CCDC92: variants seen among roughly 807,000 people sequenced by gnomAD.
CCDC92 encodes coiled-coil domain-containing protein 92.
In CCDC92, 12 loss-of-function variants were observed where a neutral mutation model predicts 24.9. The observed-to-expected ratio is 0.48, with a 90% confidence interval of 0.31 to 0.78. The LOEUF (loss-of-function observed/expected upper bound fraction) is 0.78, where lower values mean the gene tolerates loss of function less well. Ranked by LOEUF, CCDC92 falls within the 30% of genes least tolerant of loss-of-function variation. The pLI is 0.05. For synonymous variants in CCDC92, 193 were observed against 196.3 expected (o/e 0.98, Z 0.14); for missense variants, 399 against 439.4 (o/e 0.91, Z 0.82).
intron 1 of CCDC92, among the ~76,000 whole-genome samples, chr12:123,963,853 A>C (rs1594507385): frequency 6.6e-6 from 1 of 152,358 alleles, no homozygotes; most frequent in African/African-American, 2.4e-5. Flanking sequence ...AAAGGCTTTA[A>C]TATTTCTTCA....
At chr12:123,964,378 T>C (rs904960241) in intron 1 of CCDC92, among the ~76,000 whole-genome samples, 2 of 150,986 alleles carry the variant, frequency 1.3e-5, no homozygotes, top group Non-Finnish European at 2.9e-5. Context: ...TTTGTGAATT[T>C]GGGGGTATAA....
Position 123,935,861 on chromosome 12 carries a change from G to A in CCDC92, c.*1197C>T, listed in dbSNP as rs1245218064. On this transcript the variant is annotated 3_prime_UTR_variant, in exon 5 of 5. Transcript: ENST00000238156. ...TCGATGATCCAGGTCTGTTTCAGCA[G>A]ATGCTCCTTTTTGGCAAGAAGGGCT... The A allele has an allele frequency of 1.2e-5, 2 of 169,618 alleles. No homozygotes were observed. The highest frequency in any genetic ancestry group is 2.4e-5 in the African/African-American group (1 of 41,980). The allele number at this position is 169,618 out of a possible 1,614,324, so 10.5% of individuals were successfully genotyped here.
chr12:123,963,317 T>C (rs1320448110), intron 1 of CCDC92, among the ~76,000 whole-genome samples: 2 of 152,198 alleles, frequency 1.3e-5, no homozygotes, highest in Non-Finnish European at 2.9e-5. Flanking sequence ...ATGGCACTTT[T>C]GGGAGGGCAA....
intron 1 of CCDC92, chr12:123,962,843 G>A (rs1158904198): frequency 5.9e-5 from 9 of 151,868 alleles, no homozygotes; most frequent in East Asian, 1.9e-4. Flanking sequence ...GCTGATGCAA[G>A]ATATAGGTTT....
In CCDC92 at chr12:123,939,577, A is replaced by G. The variant is rs572157173; in HGVS notation, c.224-1747T>C. Among the ~76,000 whole-genome samples the G allele has an allele frequency of 9.8e-5, 15 of 152,336 alleles. No homozygotes were observed. The South Asian group carries it at 3.1e-3, about 32-fold the overall frequency. On this transcript the variant is annotated intron_variant, in intron 4 of 4. Coordinates refer to ENST00000238156, the MANE Select transcript of CCDC92 (RefSeq NM_025140.3). ...GTACTGAATGGGTATTGCCCCATGC[A>G]GTTGAAAAATTTTAAGTTGAACCAT...
At position 123,943,403 on chromosome 12, in the gene CCDC92, G is replaced by T; in HGVS notation, c.125C>A (p.Ala42Asp). The change falls in exon 3 of 5, where the codon GCC becomes GAC. Residue 42 changes from alanine (A) to aspartate (D), a missense_variant. Ala to Asp is a moderately radical substitution (Grantham distance 126, BLOSUM62 -2). Transcript: ENST00000238156. ...GGAGTGCAGCCCCTTGAGCGTGCTG[G>T]CATGCTCCCGCTGAAGGAACAGGAG... The part of the protein sequence containing the change: ...KNLLFLQREH[A>D]STLKGLHSEI... 2 of 1,614,084 alleles carry T rather than the reference G, an allele frequency of 1.2e-6. No individual in the cohort carries two copies. Among genetic ancestry groups the T allele is most frequent in the Non-Finnish European group, 1.7e-6 (2 of 1,180,030 alleles).
At chr12:123,955,685 T>C (rs2138087621) in intron 1 of CCDC92, among the ~76,000 whole-genome samples, 3 of 152,292 alleles carry the variant, frequency 2.0e-5, no homozygotes, top group African/African-American at 7.2e-5. Context: ...GGTTTCTCTA[T>C]GTTGCCCAGG....
intron 1 of CCDC92, chr12:123,966,422 G>C (rs1956394568): frequency 6.6e-6 from 1 of 152,222 alleles, no homozygotes; most frequent in South Asian, 2.1e-4. Flanking sequence ...GACATTCCAT[G>C]TGAGAGGAAG....
chr12:123,968,841 CGA>C (rs1188391495), intron 1 of CCDC92, among the ~76,000 whole-genome samples: 4 of 152,190 alleles, frequency 2.6e-5, no homozygotes, highest in Non-Finnish European at 4.4e-5. Flanking sequence ...TGCTAGAGAA[CGA>C]GAGAGTAACT....
At chr12:123,954,268 T>C (rs531039149) in intron 1 of CCDC92, among the ~76,000 whole-genome samples, 2 of 152,340 alleles carry the variant, frequency 1.3e-5, no homozygotes, top group South Asian at 2.1e-4. Flanking sequence ...CCCAAAGATA[T>C]GCAGAAAATG....
Position 123,944,158 on chromosome 12 carries a change from C to T in CCDC92, c.34+114G>A, listed in dbSNP as rs181408849. On this transcript the variant is annotated intron_variant, in intron 2 of 4. Coordinates refer to ENST00000238156, the MANE Select transcript of CCDC92 (RefSeq NM_025140.3). Reference sequence around the variant, plus strand: ...GATCCTTCTTGGGAAGGTCTGAGAACGTATCTCATGGGGCCAGGGGGTGGT... The same window carrying T: ...GATCCTTCTTGGGAAGGTCTGAGAATGTATCTCATGGGGCCAGGGGGTGGT... The T allele has an allele frequency of 4.9e-4, 360 of 740,186 alleles. 4 individuals carry two copies. Among genetic ancestry groups the T allele is most frequent in the Non-Finnish European group, 1.8e-4 (74 of 407,594 alleles). The allele number at this position is 740,186 out of a possible 1,614,324, so 45.9% of individuals were successfully genotyped here. A position where few individuals can be genotyped will look rare whatever the true frequency, so the allele number is the denominator to read the frequency against.
intron 1 of CCDC92, chr12:123,970,403 T>C (rs954320461): frequency 1.3e-5 from 2 of 152,248 alleles, no homozygotes; most frequent in African/African-American, 2.4e-5. Flanking sequence ...AGAAGTGAAA[T>C]CTGTTTTTCT....
chr12:123,957,483 A>T (rs1285794229), intron 1 of CCDC92, among the ~76,000 whole-genome samples: 2 of 152,164 alleles, frequency 1.3e-5, no homozygotes, highest in Non-Finnish European at 1.5e-5. Context: ...CAAGGGTGTG[A>T]TCACTGCACT....
At chr12:123,940,707 G>A (rs1356781264) in intron 4 of CCDC92, among the ~76,000 whole-genome samples, 1 of 152,104 alleles carries the variant, frequency 6.6e-6, no homozygotes, top group Non-Finnish European at 1.5e-5. Flanking sequence ...GTCTCCAAAC[G>A]CTGCACTGCT....
intron 4 of CCDC92, among the ~76,000 whole-genome samples, chr12:123,938,980 CTAAA>C (rs1354449502): frequency 6.6e-6 from 1 of 152,200 alleles, no homozygotes; most frequent in Non-Finnish European, 1.5e-5. Context: ...TGGTCACCCC[CTAAA>C]TATTCTTGTC....
intron 1 of CCDC92, among the ~76,000 whole-genome samples, chr12:123,970,828 A>C (rs141532352): frequency 1.6e-4 from 25 of 152,362 alleles, no homozygotes; most frequent in African/African-American, 5.5e-4. Context: ...CTTTTTTAAC[A>C]TAAGTATTTT....
chr12:123,965,885 G>A (rs1185364092), intron 1 of CCDC92, among the ~76,000 whole-genome samples: 1 of 152,168 alleles, frequency 6.6e-6, no homozygotes. Context: ...TTCATGTTGT[G>A]GGAAGTAGCC....
intron 1 of CCDC92, among the ~76,000 whole-genome samples, chr12:123,969,212 C>A (rs1009907544): frequency 2.6e-5 from 4 of 152,184 alleles, no homozygotes; most frequent in African/African-American, 9.7e-5. Context: ...CTTCTTCAAA[C>A]ACAAAGCTCC....
intron 1 of CCDC92, among the ~76,000 whole-genome samples, chr12:123,967,466 G>A (rs995210108): frequency 1.3e-5 from 2 of 152,166 alleles, no homozygotes; most frequent in South Asian, 4.2e-4. Context: ...ACTAGCCACC[G>A]AGGCAGAAAC....
Sources: gnomAD v4.1 joint callset for allele counts (sites outside exome capture counted in the v4.1 genomes callset) on GRCh38, gnomAD v4.1.1 for gene constraint, MANE v1.5 for transcripts, NCBI Gene and HGNC (gene_info 2026-07-23, HGNC 2026-07-21) for gene names.